HSD17B11: variants seen among roughly 807,000 people sequenced by gnomAD.
The protein encoded by HSD17B11 is estradiol 17-beta-dehydrogenase 11.
Under a neutral mutation model 27.8 loss-of-function variants are expected in HSD17B11, and 22 were observed. That is an observed-to-expected ratio of 0.79 (90% CI 0.56 to 1.13). HSD17B11 has a LOEUF of 1.13. Ranked by LOEUF, HSD17B11 falls within the 50% of genes most tolerant of loss-of-function variation. The probability of loss-of-function intolerance (pLI) is 0.00; values close to 1 mark genes in which losing one functional copy is unlikely to be tolerated. For synonymous variants in HSD17B11, 117 were observed against 132.8 expected (o/e 0.88, Z 0.82); for missense variants, 314 against 351.1 (o/e 0.89, Z 0.84).
intron 6 of HSD17B11, among the ~76,000 whole-genome samples, chr4:87,337,674 A>G (rs1274665635): frequency 6.6e-6 from 1 of 152,220 alleles, no homozygotes; most frequent in African/African-American, 2.4e-5. Flanking sequence ...ACAAAAAGAA[A>G]CCCGACATTA....
At chr4:87,360,326 T>C (rs546797011) in intron 4 of HSD17B11, among the ~76,000 whole-genome samples, 2 of 152,306 alleles carry the variant, frequency 1.3e-5, no homozygotes, top group African/African-American at 4.8e-5. Context: ...TGGCAAAAGG[T>C]ATCAAATTCA....
At chr4:87,366,378 T>C (rs1162085886) in intron 4 of HSD17B11, among the ~76,000 whole-genome samples, 1 of 152,148 alleles carries the variant, frequency 6.6e-6, no homozygotes, top group Admixed American at 6.6e-5. Context: ...ATTGGGTAAA[T>C]ATGTCTCTAA....
intron 4 of HSD17B11, among the ~76,000 whole-genome samples, chr4:87,364,901 G>A (rs572201437): frequency 3.9e-5 from 6 of 152,366 alleles, no homozygotes; most frequent in East Asian, 3.9e-4. Context: ...GGGCGAGGTG[G>A]CTCATGCCTG....
chr4:87,340,499 G>C lies in HSD17B11; in HGVS notation c.803C>G (p.Thr268Arg). ...CTTAACTGTCACTTACCTTTCCAATGTTGTTAAAAAAGCTATAGAAGATGG... is the reference window on the plus strand; with the variant it reads ...CTTAACTGTCACTTACCTTTCCAATCTTGTTAAAAAAGCTATAGAAGATGG... ...FIPSSIAFLT[T>R]LERILPERFL... The change falls in exon 6 of 7, where the codon ACA becomes AGA. Residue 268 changes from threonine to arginine, a missense_variant. By Grantham distance (71) the Thr-to-Arg change is moderately conservative (BLOSUM62 -1). Transcript: ENST00000358290. 1 of 1,590,602 alleles carries C rather than the reference G, an allele frequency of 6.3e-7. No homozygotes were observed. Among genetic ancestry groups the C allele is most frequent in the Non-Finnish European group, 8.6e-7 (1 of 1,164,168 alleles).
intron 2 of HSD17B11, among the ~76,000 whole-genome samples, chr4:87,379,827 ATATG>A (rs1007811045): frequency 3.4e-5 from 4 of 116,980 alleles, no homozygotes; most frequent in Admixed American, 8.7e-5. Context: ...TATTAATAGT[ATATG>A]TATTATACTA....
intron 5 of HSD17B11, among the ~76,000 whole-genome samples, chr4:87,347,071 T>C (rs1430307474): frequency 6.7e-6 from 1 of 148,388 alleles, no homozygotes; most frequent in African/African-American, 2.5e-5. Context: ...CATCTCCTAG[T>C]GATGATTTTA....
chr4:87,338,887 TC>T (rs954924658), intron 6 of HSD17B11, among the ~76,000 whole-genome samples: 9 of 152,134 alleles, frequency 5.9e-5, no homozygotes, highest in Non-Finnish European at 1.3e-4. Flanking sequence ...CCCTATAAAG[TC>T]CAATTGTTTT....
chr4:87,345,387 T>C (rs941029014), intron 5 of HSD17B11, among the ~76,000 whole-genome samples: 2 of 149,028 alleles, frequency 1.3e-5, no homozygotes, highest in African/African-American at 5.0e-5. Flanking sequence ...ATCAGTAAAG[T>C]GAAATTCCAC....
chr4:87,379,501 T>G (rs973292269), intron 2 of HSD17B11, among the ~76,000 whole-genome samples: 5 of 146,840 alleles, frequency 3.4e-5, no homozygotes, highest in African/African-American at 1.2e-4. Context: ...ATATATATTA[T>G]ATATACATAT....
intron 1 of HSD17B11, chr4:87,385,816 G>A (rs1017580925): frequency 2.0e-5 from 3 of 151,606 alleles, no homozygotes; most frequent in Non-Finnish European, 2.9e-5. Context: ...TTGGGAGGCT[G>A]AGGCAGGAGA....
intron 1 of HSD17B11, 138 bp downstream of exon 1, chr4:87,390,723 C>T (rs1720435744): frequency 1.5e-6 from 1 of 677,994 alleles, no homozygotes; most frequent in African/African-American, 1.8e-5. Flanking sequence ...TTCATGCCCT[C>T]CCATCTGCAA....
At chr4:87,370,757 T>TATTATTATTA (rs1553959707) in intron 4 of HSD17B11, among the ~76,000 whole-genome samples, 24 of 12,212 alleles carry the variant, frequency 2.0e-3, no homozygotes, top group Non-Finnish European at 2.6e-3. Flanking sequence ...TTATTATTAT[T>TATTATTATTA]TTTTTTTTTT....
At chr4:87,367,291 T>C (rs1471979176) in intron 4 of HSD17B11, among the ~76,000 whole-genome samples, 2 of 152,176 alleles carry the variant, frequency 1.3e-5, no homozygotes, top group Admixed American at 1.3e-4. Flanking sequence ...CCTCATACTT[T>C]GCCTACACAG....
At chr4:87,340,240 T>G (rs1270388154) in intron 6 of HSD17B11, 1 of 232,164 alleles carries the variant, frequency 4.3e-6, no homozygotes, top group Non-Finnish European at 8.4e-6. Context: ...GTCATTCATT[T>G]ATAAGACAAG....
In HSD17B11 at chr4:87,370,755, A is replaced by ATTTTTT. The variant is rs57047986; in HGVS notation, c.557+1948_557+1953dup. ...TATTATTATTATTATTATTATTATT[A>ATTTTTT]TTTTTTTTTTTTTTTGAGACGGAGT... On this transcript the variant is annotated intron_variant, in intron 4 of 6. Transcript: ENST00000358290. Among the ~76,000 whole-genome samples the ATTTTTT allele has an allele frequency of 4.0e-4, 23 of 57,518 alleles. 1 individual carries two copies. Among genetic ancestry groups the ATTTTTT allele is most frequent in the Admixed American group, 3.2e-3 (15 of 4,624 alleles). The allele number at this position is 57,518 out of a possible 152,430, so 37.7% of individuals were successfully genotyped here. A position where few individuals can be genotyped will look rare whatever the true frequency, so the allele number is the denominator to read the frequency against.
chr4:87,381,760 CAAAAAAAA>C (rs33982875), intron 2 of HSD17B11, among the ~76,000 whole-genome samples: 34 of 132,756 alleles, frequency 2.6e-4, no homozygotes, highest in African/African-American at 7.7e-4. Context: ...CCCCCCATCT[CAAAAAAAA>C]AAAAAAAAGA....
rs1560769422 is a variant in HSD17B11 at position 87,378,911 on chromosome 4, TATATATAAATATATATAA to T, written c.318+3326_318+3343del. ...ATATATATAAATATATATAAATATA[TATATATAAATATATATAA>T]ATATATATATATATATATTTATATA... On this transcript the variant is annotated intron_variant, in intron 2 of 6. Transcript: ENST00000358290. 1.5e-3 allele frequency among the ~76,000 whole-genome samples: 20 copies of T among 13,068 alleles called. 1 individual carries two copies. Among genetic ancestry groups the T allele is most frequent in the East Asian group, 0.013 (6 of 470 alleles). 8.6% of individuals were successfully genotyped at this position (13,068 alleles called of 152,430 possible).
rs575936421 is a variant in HSD17B11 at position 87,354,398 on chromosome 4, A to G, written c.695+2881T>C. ...ACTTTGAGAGGCTGAAGTTGGGAGA[A>G]TGACTTGAGCCCAGGAGTTCAATTG... On this transcript the variant is annotated intron_variant, in intron 5 of 6. Transcript: ENST00000358290. Among the ~76,000 whole-genome samples the G allele has an allele frequency of 1.5e-3, 227 of 152,216 alleles. 1 individual carries two copies. The highest frequency in any genetic ancestry group is 3.4e-3 in the Middle Eastern group (1 of 294).
At chr4:87,366,543 T>C (rs1735616475) in intron 4 of HSD17B11, among the ~76,000 whole-genome samples, 1 of 152,230 alleles carries the variant, frequency 6.6e-6, no homozygotes, top group Non-Finnish European at 1.5e-5. Context: ...GTTATTGGTA[T>C]ATGTTCCAAA....
Sources: allele counts gnomAD v4.1 joint callset (sites outside exome capture counted in the v4.1 genomes callset), GRCh38; gene constraint gnomAD v4.1.1; transcripts MANE v1.5; gene names NCBI Gene and HGNC (gene_info 2026-07-23, HGNC 2026-07-21).